The following FBXL17 variants were observed in gnomAD, a reference collection of about 807,000 sequenced individuals.
FBXL17 encodes F-box and leucine rich repeat protein 17.
FBXL17 carries 22 observed loss-of-function variants against 66.2 expected under a neutral mutation model. The ratio of observed to expected loss-of-function variants is 0.33; its 90% CI spans 0.24 to 0.47. FBXL17 has a LOEUF of 0.47. Among genes scored for constraint, FBXL17 ranks in the 20% least tolerant of loss-of-function variants. The probability of loss-of-function intolerance (pLI) is 1.00; values close to 1 mark genes in which losing one functional copy is unlikely to be tolerated. For missense variants in FBXL17, 878 were observed against 948.2 expected (o/e 0.93, Z 0.97); for synonymous variants, 474 against 400.5 (o/e 1.18, Z -2.19).
At chr5:108,282,936 T>C (rs1446971457) in intron 4 of FBXL17, among the ~76,000 whole-genome samples, 1 of 149,994 alleles carries the variant, frequency 6.7e-6, no homozygotes, top group Non-Finnish European at 1.5e-5. Context: ...CCTAGGAACA[T>C]TTAACTTAGG....
intron 7 of FBXL17, among the ~76,000 whole-genome samples, chr5:107,923,883 G>A (rs1386931935): frequency 1.3e-5 from 2 of 152,002 alleles, no homozygotes; most frequent in Non-Finnish European, 2.9e-5. Flanking sequence ...TGCTAATGGA[G>A]GGTGTCAGAC....
At chr5:107,885,962 T>C (rs1467831748) in intron 7 of FBXL17, among the ~76,000 whole-genome samples, 1 of 149,780 alleles carries the variant, frequency 6.7e-6, no homozygotes, top group Non-Finnish European at 1.5e-5. Context: ...AAAAAAAATG[T>C]GTAAGAATCT....
intron 7 of FBXL17, among the ~76,000 whole-genome samples, chr5:107,997,378 C>A (rs1243506562): frequency 1.3e-5 from 2 of 152,098 alleles, no homozygotes; most frequent in Admixed American, 6.5e-5. Context: ...AGTGACATGT[C>A]ATCATTTGCA....
intron 4 of FBXL17, among the ~76,000 whole-genome samples, chr5:108,273,264 C>T (rs1044332090): frequency 6.6e-6 from 1 of 152,004 alleles, no homozygotes; most frequent in Non-Finnish European, 1.5e-5. Flanking sequence ...GGGTGCAGCA[C>T]ACCAGCATGG....
At chr5:107,953,541 T>C (rs887100826) in intron 7 of FBXL17, among the ~76,000 whole-genome samples, 1 of 151,596 alleles carries the variant, frequency 6.6e-6, no homozygotes, top group Non-Finnish European at 1.5e-5. Context: ...TATCATACAA[T>C]ACTGCTTCCC....
intron 6 of FBXL17, among the ~76,000 whole-genome samples, chr5:108,152,680 G>GA (rs1372964017): frequency 6.6e-6 from 1 of 151,980 alleles, no homozygotes; most frequent in Non-Finnish European, 1.5e-5. Context: ...ACCATAGAGA[G>GA]AAAAAAATAT....
chr5:108,089,291 C>G (rs158420), intron 6 of FBXL17, among the ~76,000 whole-genome samples: 7,751 of 152,230 alleles, frequency 0.051, 644 homozygotes, highest in African/African-American at 0.18. Flanking sequence ...GACCAAAAAT[C>G]TTAATATGGC....
chr5:108,343,139 T>C (rs1746998116), intron 4 of FBXL17, among the ~76,000 whole-genome samples: 1 of 152,234 alleles, frequency 6.6e-6, no homozygotes, highest in African/African-American at 2.4e-5. Flanking sequence ...AATCTTGGAC[T>C]TGTCAGCCTC....
At chr5:107,899,679 C>A (rs1412300360) in intron 7 of FBXL17, among the ~76,000 whole-genome samples, 1 of 152,136 alleles carries the variant, frequency 6.6e-6, no homozygotes, top group African/African-American at 2.4e-5. Flanking sequence ...GGTCACTGTA[C>A]TTAAATTTAG....
intron 4 of FBXL17, among the ~76,000 whole-genome samples, chr5:108,249,752 G>C (rs901753770): frequency 6.6e-6 from 1 of 152,054 alleles, no homozygotes; most frequent in East Asian, 1.9e-4. Flanking sequence ...AAATATAAGC[G>C]ACGTATATTT....
chr5:108,254,456 G>A (rs374953891), intron 4 of FBXL17, among the ~76,000 whole-genome samples: 11 of 152,256 alleles, frequency 7.2e-5, no homozygotes, highest in South Asian at 4.1e-4. Context: ...CACTGTTTAA[G>A]TCATTGCTGG....
chr5:108,213,788 G>A (rs761645716), intron 5 of FBXL17, among the ~76,000 whole-genome samples: 5 of 152,164 alleles, frequency 3.3e-5, no homozygotes, highest in African/African-American at 9.6e-5. Flanking sequence ...AATCTAATAC[G>A]TGTGTGGTGG....
rs149217410 is a variant in FBXL17, at chr5:108,302,769, C to T, written c.1506+45630G>A. ...TCAATAATGTAATCTATGAAATTTA[C>T]ATATAGATACGCCTCATTTTCTAAA... On this transcript the variant is annotated intron_variant, in intron 4 of 8. Transcript: ENST00000542267. Among the ~76,000 whole-genome samples, 821 of 151,838 alleles carry T rather than the reference C, an allele frequency of 5.4e-3. 11 individuals are homozygous for T. The highest frequency in any genetic ancestry group is 0.019 in the African/African-American group (787 of 41,498).
intron 6 of FBXL17, among the ~76,000 whole-genome samples, chr5:108,185,444 C>T (rs764195503): frequency 2.6e-5 from 4 of 152,148 alleles, no homozygotes; most frequent in Non-Finnish European, 5.9e-5. Flanking sequence ...CTGCTTTTTG[C>T]CATGCTTGTC....
chr5:107,939,384 T>G (rs763229784), intron 7 of FBXL17, among the ~76,000 whole-genome samples: 1 of 152,144 alleles, frequency 6.6e-6, no homozygotes, highest in Non-Finnish European at 1.5e-5. Context: ...AAGTGACCTC[T>G]TTATTTCCTC....
intron 4 of FBXL17, among the ~76,000 whole-genome samples, chr5:108,336,745 C>T (rs1760400680): frequency 6.6e-6 from 1 of 152,086 alleles, no homozygotes; most frequent in East Asian, 1.9e-4. Context: ...TTTACTTCTT[C>T]AAACTATCAT....
intron 6 of FBXL17, among the ~76,000 whole-genome samples, chr5:108,040,995 T>C (rs556963327): frequency 1.3e-5 from 2 of 152,322 alleles, no homozygotes; most frequent in South Asian, 4.1e-4. Context: ...TGTCTTGTAA[T>C]GTATGAATAC....
intron 1 of FBXL17, among the ~76,000 whole-genome samples, chr5:108,373,263 T>C (rs1199207666): frequency 6.9e-6 from 1 of 145,540 alleles, no homozygotes; most frequent in Non-Finnish European, 1.5e-5. Flanking sequence ...TTAATATAAA[T>C]ATAATATATA....
chr5:108,380,845 C>T lies in FBXL17; in HGVS notation c.847G>A (p.Gly283Ser). 1.6e-6 allele frequency: 2 copies of T among 1,247,016 alleles called. No homozygotes were observed. The highest frequency in any genetic ancestry group is 8.4e-5 in the Admixed American group (2 of 23,728). The allele number at this position is 1,247,016 out of a possible 1,614,324, so 77.2% of individuals were successfully genotyped here. A position where few individuals can be genotyped will look rare whatever the true frequency, so the allele number is the denominator to read the frequency against. Residue 283 changes from glycine to serine, a missense_variant, in exon 1 of 9, where the codon GGC (glycine) becomes AGC (serine). Physicochemically the swap from Gly to Ser is moderately conservative, Grantham distance 56 (BLOSUM62 0). Transcript: ENST00000542267. Reference sequence around the variant, plus strand: ...TGCTGGGCGGACAAGGGGGCGGTGCCCCCGGCTCGGACAGCGTCCCCGCCA... The same window carrying T: ...TGCTGGGCGGACAAGGGGGCGGTGCTCCCGGCTCGGACAGCGTCCCCGCCA... ...EAGGDAVRAG[G>S]TAPLSAQQQH...
Sources: allele counts gnomAD v4.1 joint callset (sites outside exome capture counted in the v4.1 genomes callset), GRCh38; gene constraint gnomAD v4.1.1; transcripts MANE v1.5; gene names NCBI Gene and HGNC (gene_info 2026-07-23, HGNC 2026-07-21).